The following ARSL variants were observed in gnomAD, a reference collection of about 807,000 sequenced individuals.
ARSL encodes arylsulfatase L, also known as arylsulfatase E (chondrodysplasia punctata 1).
In ARSL, 4 loss-of-function variants were observed where a neutral mutation model predicts 31.1. The ratio of observed to expected loss-of-function variants is 0.13; its 90% CI spans 0.06 to 0.29. The LOEUF is 0.29. ARSL is among the 10% of genes least tolerant of loss of function. The probability of loss-of-function intolerance (pLI) is 1.00; values close to 1 mark genes in which losing one functional copy is unlikely to be tolerated. For synonymous variants in ARSL, 198 were observed against 209.9 expected (o/e 0.94, Z 0.49); for missense variants, 312 against 497.8 (o/e 0.63, Z 3.55).
At chrX:2,962,549 G>T (rs1184815383) in intron 1 of ARSL, among the ~76,000 whole-genome samples, 5 of 111,091 alleles carry the variant, frequency 4.5e-5, no homozygotes, top group Non-Finnish European at 9.4e-5. Flanking sequence ...GCAGAGAGGA[G>T]GGGTGGGCAA....
intron 8 of ARSL, 58 bp downstream of exon 8, chrX:2,943,007 G>C: frequency 8.4e-7 from 1 of 1,185,807 alleles, no homozygotes; most frequent in Admixed American, 2.2e-5. Flanking sequence ...GCCCTGCTGG[G>C]AATTGCAGGG....
chrX:2,938,508 G>A (rs1463695967), intron 8 of ARSL, among the ~76,000 whole-genome samples: 1 of 111,283 alleles, frequency 9.0e-6, no homozygotes, highest in African/African-American at 3.3e-5. Context: ...ATTAAGTTAG[G>A]TCCTTCACTA....
upstream of ARSL, among the ~76,000 whole-genome samples, chrX:2,966,827 A>G (rs1279484949): frequency 1.8e-5 from 2 of 109,810 alleles, no homozygotes; most frequent in African/African-American, 6.6e-5. Flanking sequence ...ATAAATATAA[A>G]CATATAACAT....
At chrX:2,954,537 C>A (rs1020346604) in intron 4 of ARSL, among the ~76,000 whole-genome samples, 2 of 111,953 alleles carry the variant, frequency 1.8e-5, no homozygotes, top group African/African-American at 6.5e-5. Flanking sequence ...CTCAGGTGAT[C>A]TGCCTGCCTC....
intron 2 of ARSL, chrX:2,959,824 G>T: frequency 1.2e-6 from 1 of 800,647 alleles, no homozygotes; most frequent in African/African-American, 2.1e-5. Flanking sequence ...GGGAGGCCAA[G>T]GTGGGAGCAT....
intron 4 of ARSL, among the ~76,000 whole-genome samples, chrX:2,954,052 T>C (rs190543528): frequency 3.6e-5 from 4 of 111,444 alleles, no homozygotes; most frequent in Non-Finnish European, 7.5e-5. Context: ...CATCAAACTC[T>C]TGATATAATC....
Position 2,960,387 on chromosome X carries a change from T to C in ARSL, c.14A>G (p.His5Arg). The C allele has an allele frequency of 2.5e-6, 3 of 1,189,542 alleles. No individual in the cohort carries two copies. The highest frequency in any genetic ancestry group is 3.4e-6 in the Non-Finnish European group (3 of 878,908). The change falls in exon 2 of 11, where the codon CAC becomes CGC. Residue 5 changes from histidine (H) to arginine (R), a missense_variant. Physicochemically the swap from His to Arg is conservative, Grantham distance 29 (BLOSUM62 0). Coordinates refer to ENST00000381134, the MANE Select transcript of ARSL (RefSeq NM_000047.3). The stretch of plus-strand genomic sequence containing the variant: ...TATAATTGTATCTTACCAAGAATGG[T>C]GCAGATGTAACATGTTGTCTCTCTC... MLHL[H>R]HSCLCFRSWL... is the part of the protein sequence containing the mutation.
At chrX:2,967,281 G>A (rs755234576), upstream of ARSL, among the ~76,000 whole-genome samples, 26 of 111,966 alleles carry the variant, frequency 2.3e-4, no homozygotes, top group Non-Finnish European at 4.1e-4. Context: ...CTGAACTGAT[G>A]TATTTATGTA....
intron 10 of ARSL, among the ~76,000 whole-genome samples, chrX:2,935,698 T>TG (rs1426660257): frequency 6.6e-5 from 7 of 106,130 alleles, no homozygotes; most frequent in Non-Finnish European, 1.2e-4. Flanking sequence ...TTTTCTTTTT[T>TG]TTTTTTTTTA....
chrX:2,959,811 G>A, intron 2 of ARSL: 1 of 897,948 alleles, frequency 1.1e-6, no homozygotes, highest in South Asian at 3.2e-5. Flanking sequence ...ATCTGAGCAC[G>A]TTGGGAGGCC....
chrX:2,934,812 C>T lies in ARSL; in HGVS notation c.*20G>A, dbSNP rs771146162. 1.3e-5 allele frequency: 15 copies of T among 1,180,853 alleles called. No homozygotes were observed. In the South Asian group the frequency reaches 1.7e-4, roughly 13 times the overall value. On this transcript the variant is annotated 3_prime_UTR_variant, in exon 11 of 11. Transcript: ENST00000381134. The stretch of plus-strand genomic sequence containing the variant: ...TGACAAAATTTAGGAATCGGGGCTC[C>T]AGCTTTTCACTGCAGACATTTATTG...
At chrX:2,937,253 G>T (rs923818312) in intron 9 of ARSL, among the ~76,000 whole-genome samples, 5 of 110,594 alleles carry the variant, frequency 4.5e-5, no homozygotes, top group African/African-American at 1.7e-4. Context: ...AATTAGCCAG[G>T]TGTGCTGGTG....
At chrX:2,945,138 G>C (rs376632954) in intron 7 of ARSL, among the ~76,000 whole-genome samples, 1 of 111,130 alleles carries the variant, frequency 9.0e-6, no homozygotes, top group African/African-American at 3.3e-5. Context: ...TTAGGGGTGC[G>C]TCAGGGCAGG....
At chrX:2,944,208 C>T (rs1335619375) in intron 7 of ARSL, among the ~76,000 whole-genome samples, 5 of 108,719 alleles carry the variant, frequency 4.6e-5, no homozygotes, top group South Asian at 4.0e-4. Context: ...GTAATCCCAG[C>T]ACTTTGGGAG....
chrX:2,949,768 C>T (rs1299868865), intron 5 of ARSL, 41 bp from the exon 6 acceptor site: 1 of 1,157,754 alleles, frequency 8.6e-7, no homozygotes, highest in South Asian at 1.9e-5. Flanking sequence ...AGCATCTGAG[C>T]ATAACTGGAC....
rs147770035 is a variant in ARSL, at chrX:2,955,857, T to C, written c.186-320A>G. 6.8e-3 allele frequency among the ~76,000 whole-genome samples: 766 copies of C among 111,933 alleles called. 3 individuals carry two copies. Among genetic ancestry groups the C allele is most frequent in the Non-Finnish European group, 0.012 (612 of 53,192 alleles). On this transcript the variant is annotated intron_variant, in intron 3 of 10. Transcript: ENST00000381134. Reference sequence around the variant, plus strand: ...CGGGCCAACATGGCGAGACCCTGTCTCTACAAAAAAATCTACAAAAATAGA... The same window carrying C: ...CGGGCCAACATGGCGAGACCCTGTCCCTACAAAAAAATCTACAAAAATAGA...
In ARSL at chrX:2,960,131, T is replaced by C. The variant is rs752942090; in HGVS notation, c.23+247A>G. Among the ~76,000 whole-genome samples the C allele has an allele frequency of 0.012, 1,057 of 87,821 alleles. 33 individuals are homozygous for C. The highest frequency in any genetic ancestry group is 0.04 in the African/African-American group (962 of 23,931). 76.3% of individuals were successfully genotyped at this position (87,821 alleles called of 115,157 possible). On this transcript the variant is annotated intron_variant, in intron 2 of 10. Coordinates refer to ENST00000381134, the MANE Select transcript of ARSL (RefSeq NM_000047.3). ...AAAAATACAAAAAATTAGCCGGGCGTGGTGGCAGGCGCCTGTAGTCCCAGC... is the reference window on the plus strand; with the variant it reads ...AAAAATACAAAAAATTAGCCGGGCGCGGTGGCAGGCGCCTGTAGTCCCAGC...
chrX:2,955,307 C>T, intron 4 of ARSL, 109 bp downstream of exon 4: 3 of 974,484 alleles, frequency 3.1e-6, no homozygotes, highest in Non-Finnish European at 2.8e-6. Context: ...AGAGAGAACA[C>T]CCCCCAGTCT....
chrX:2,943,058 G>A lies in ARSL; in HGVS notation c.1126+7C>T, dbSNP rs1219437609. On this transcript the variant is annotated splice_region_variant and intron_variant, in intron 8 of 10. Transcript: ENST00000381134. Reference sequence around the variant, plus strand: ...AAGATGAAGATCTGGGAGCATCTCAGTCTTACCTTTATAAATTCCATTCCA... The same window carrying A: ...AAGATGAAGATCTGGGAGCATCTCAATCTTACCTTTATAAATTCCATTCCA... 1 of 1,210,863 alleles carries A rather than the reference G, an allele frequency of 8.3e-7. No homozygotes were observed.
Sources: gnomAD v4.1 joint callset for allele counts (sites outside exome capture counted in the v4.1 genomes callset) on GRCh38, gnomAD v4.1.1 for gene constraint, MANE v1.5 for transcripts, NCBI Gene and HGNC (gene_info 2026-07-23, HGNC 2026-07-21) for gene names.